The following GABBR2 variants were observed in gnomAD, a reference collection of about 807,000 sequenced individuals.
GABBR2 encodes G-protein coupled receptor 51.
Under a neutral mutation model 105.6 loss-of-function variants are expected in GABBR2, and 23 were observed. The ratio of observed to expected loss-of-function variants is 0.22; its 90% confidence interval spans 0.16 to 0.31. GABBR2 has a LOEUF of 0.31. Ranked by LOEUF, GABBR2 falls within the 10% of genes least tolerant of loss-of-function variation. The pLI, the probability that GABBR2 is intolerant of heterozygous loss-of-function variation, is 1.00. For synonymous variants in GABBR2, 478 were observed against 499.7 expected (o/e 0.96, Z 0.58); for missense variants, 734 against 1,245.5 (o/e 0.59, Z 6.18).
chr9:98,482,780 T>C (rs1826952502), intron 4 of GABBR2, among the ~76,000 whole-genome samples: 1 of 152,110 alleles, frequency 6.6e-6, no homozygotes, highest in African/African-American at 2.4e-5. Flanking sequence ...TGCCCAGTGG[T>C]TGTCAATTCA....
At chr9:98,395,089 C>G (rs553120316) in intron 8 of GABBR2, among the ~76,000 whole-genome samples, 2 of 152,234 alleles carry the variant, frequency 1.3e-5, no homozygotes, top group Admixed American at 1.3e-4. Flanking sequence ...TGGTCATCGT[C>G]AAGGATAAAG....
intron 1 of GABBR2, among the ~76,000 whole-genome samples, chr9:98,605,020 C>A (rs903384638): frequency 3.3e-5 from 5 of 152,220 alleles, no homozygotes; most frequent in Admixed American, 6.5e-5. Flanking sequence ...CCCTCCTGGT[C>A]TCCCACCCAC....
chr9:98,476,515 C>T (rs1826797189), intron 5 of GABBR2, among the ~76,000 whole-genome samples: 1 of 152,158 alleles, frequency 6.6e-6, no homozygotes. Flanking sequence ...CAAAGCCTGC[C>T]TCACTGTACT....
intron 2 of GABBR2, among the ~76,000 whole-genome samples, chr9:98,559,380 T>C (rs1475282335): frequency 6.6e-5 from 10 of 152,250 alleles, no homozygotes; most frequent in African/African-American, 2.4e-4. Context: ...TCCATCCACC[T>C]TGGCCTCCCA....
intron 3 of GABBR2, among the ~76,000 whole-genome samples, chr9:98,528,253 G>C (rs1754735782): frequency 6.6e-6 from 1 of 152,032 alleles, no homozygotes; most frequent in South Asian, 2.1e-4. Flanking sequence ...ATCAGAAAAA[G>C]ATATATTAAG....
At position 98,542,176 on chromosome 9, in the gene GABBR2, C is replaced by T. The variant is rs1588220172; in HGVS notation, c.460-133G>A. On this transcript the variant is annotated intron_variant, in intron 2 of 18. Coordinates refer to ENST00000259455, the MANE Select transcript of GABBR2 (RefSeq NM_005458.8). ...CACACAGGGACAGATATTTTTAAAACTTTTTTATTGTAAGAGTAACATATC... is the reference window on the plus strand; with the variant it reads ...CACACAGGGACAGATATTTTTAAAATTTTTTTATTGTAAGAGTAACATATC... The T allele has an allele frequency of 8.6e-6, 6 of 693,958 alleles. No individual in the cohort carries two copies. In the East Asian group the frequency reaches 1.7e-4, roughly 20 times the overall value. The allele number at this position is 693,958 out of a possible 1,614,324, so 43.0% of individuals were successfully genotyped here. A position where few individuals can be genotyped will look rare whatever the true frequency, so the allele number is the denominator to read the frequency against.
chr9:98,702,813 T>G (rs1039120240), intron 1 of GABBR2, among the ~76,000 whole-genome samples: 10 of 152,332 alleles, frequency 6.6e-5, no homozygotes, highest in Non-Finnish European at 1.2e-4. Context: ...TGGCTTCTAT[T>G]GTTTCTTTCT....
chr9:98,495,581 C>T (rs1387408453), intron 4 of GABBR2, among the ~76,000 whole-genome samples: 2 of 152,190 alleles, frequency 1.3e-5, no homozygotes, highest in Non-Finnish European at 2.9e-5. Context: ...TACCCCACTC[C>T]AGGTACTTCT....
At chr9:98,577,161 C>T (rs937585468) in intron 2 of GABBR2, among the ~76,000 whole-genome samples, 17 of 147,920 alleles carry the variant, frequency 1.1e-4, no homozygotes, top group Admixed American at 6.1e-4. Context: ...GATGGTTAGG[C>T]GAATGGATGG....
chr9:98,417,694 G>A (rs974557801), intron 7 of GABBR2, among the ~76,000 whole-genome samples: 3 of 152,154 alleles, frequency 2.0e-5, no homozygotes, highest in Non-Finnish European at 4.4e-5. Flanking sequence ...CAAAATCGTT[G>A]TCTTCTAGAA....
At chr9:98,504,377 C>G (rs540311704) in intron 3 of GABBR2, among the ~76,000 whole-genome samples, 1 of 152,306 alleles carries the variant, frequency 6.6e-6, no homozygotes, top group East Asian at 1.9e-4. Flanking sequence ...CCAGAGATCT[C>G]AAGGCACTCA....
intron 2 of GABBR2, among the ~76,000 whole-genome samples, chr9:98,570,097 C>T (rs1022840695): frequency 6.6e-6 from 1 of 152,174 alleles, no homozygotes; most frequent in East Asian, 1.9e-4. Context: ...AATACCTCTA[C>T]ACACATAGAG....
At chr9:98,387,189 T>A (rs969240319) in intron 10 of GABBR2, among the ~76,000 whole-genome samples, 5 of 152,162 alleles carry the variant, frequency 3.3e-5, no homozygotes, top group African/African-American at 1.2e-4. Flanking sequence ...AATATTTTTT[T>A]TCTATCTTTC....
chr9:98,294,525 C>A (rs533190788), intron 17 of GABBR2, among the ~76,000 whole-genome samples: 17 of 150,248 alleles, frequency 1.1e-4, no homozygotes, highest in Admixed American at 4.0e-4. Context: ...TCACTCAGAT[C>A]GTGCCACCAG....
At chr9:98,530,637 T>C (rs1400926124) in intron 3 of GABBR2, among the ~76,000 whole-genome samples, 2 of 151,980 alleles carry the variant, frequency 1.3e-5, no homozygotes, top group African/African-American at 2.4e-5. Context: ...AAAATAAAAA[T>C]AACCAGGCGC....
chr9:98,678,382 A>G (rs1450698519), intron 1 of GABBR2, among the ~76,000 whole-genome samples: 2 of 152,168 alleles, frequency 1.3e-5, no homozygotes, highest in Non-Finnish European at 2.9e-5. Context: ...CTAATTTCCC[A>G]AACATATAGA....
At chr9:98,401,683 A>G (rs1424487487) in intron 8 of GABBR2, among the ~76,000 whole-genome samples, 1 of 152,166 alleles carries the variant, frequency 6.6e-6, no homozygotes, top group Non-Finnish European at 1.5e-5. Flanking sequence ...GCGAGCTACA[A>G]TTGCAGGCCT....
chr9:98,471,370 G>A (rs1197075211), intron 6 of GABBR2, among the ~76,000 whole-genome samples: 1 of 152,146 alleles, frequency 6.6e-6, no homozygotes, highest in Non-Finnish European at 1.5e-5. Flanking sequence ...GACAGTGATG[G>A]GCAAGAGGTC....
At position 98,494,760 on chromosome 9, in the gene GABBR2, C is replaced by T. The variant is rs531024289; in HGVS notation, c.732+1653G>A. Reference sequence around the variant, plus strand: ...CAATGCACTGGAAAGGTGGCTATTTCGGCTGTTATTTTCATTATGGTTAAT... The same window carrying T: ...CAATGCACTGGAAAGGTGGCTATTTTGGCTGTTATTTTCATTATGGTTAAT... On this transcript the variant is annotated intron_variant, in intron 4 of 18. Coordinates refer to ENST00000259455, the MANE Select transcript of GABBR2 (RefSeq NM_005458.8). 1.2e-4 allele frequency among the ~76,000 whole-genome samples: 18 copies of T among 152,296 alleles called. No homozygotes were observed. In the East Asian group the frequency reaches 1.9e-3, roughly 16 times the overall value.
Sources: allele counts gnomAD v4.1 joint callset (sites outside exome capture counted in the v4.1 genomes callset), GRCh38; gene constraint gnomAD v4.1.1; transcripts MANE v1.5; gene names NCBI Gene and HGNC (gene_info 2026-07-23, HGNC 2026-07-21).